PLCL2: variants seen among roughly 807,000 people sequenced by gnomAD.
The protein encoded by PLCL2 is phospholipase C like 2.
A neutral mutation model predicts 79.6 loss-of-function variants in PLCL2; 4 were observed. That is an observed-to-expected ratio of 0.05 (90% CI 0.02 to 0.11). The LOEUF is 0.11. Ranked by LOEUF, PLCL2 falls within the 10% of genes least tolerant of loss-of-function variation. The pLI is 1.00. For synonymous variants in PLCL2, 484 were observed against 457.7 expected (o/e 1.06, Z -0.73); for missense variants, 895 against 1,291.0 (o/e 0.69, Z 4.70).
intron 5 of PLCL2, among the ~76,000 whole-genome samples, chr3:17,076,154 G>T (rs1443103688): frequency 6.6e-6 from 1 of 152,102 alleles, no homozygotes; most frequent in Non-Finnish European, 1.5e-5. Flanking sequence ...AAGGGTTTTA[G>T]TTGCACCACA....
At chr3:17,054,759 A>G (rs564289278) in intron 4 of PLCL2, among the ~76,000 whole-genome samples, 1 of 152,184 alleles carries the variant, frequency 6.6e-6, no homozygotes, top group Non-Finnish European at 1.5e-5. Flanking sequence ...TGAGATTTGG[A>G]TGGAGACACA....
intron 3 of PLCL2, among the ~76,000 whole-genome samples, chr3:17,033,091 G>A (rs558183799): frequency 6.6e-6 from 1 of 152,238 alleles, no homozygotes; most frequent in Admixed American, 6.5e-5. Context: ...GACCGTATCA[G>A]GGTTTAGATA....
At chr3:17,064,443 A>G (rs1318257242) in intron 4 of PLCL2, among the ~76,000 whole-genome samples, 1 of 152,128 alleles carries the variant, frequency 6.6e-6, no homozygotes, top group Non-Finnish European at 1.5e-5. Context: ...CTTCTTCACC[A>G]CTTCCTTAGG....
intron 4 of PLCL2, among the ~76,000 whole-genome samples, chr3:17,067,116 C>T (rs2065018079): frequency 6.6e-6 from 1 of 151,980 alleles, no homozygotes; most frequent in Non-Finnish European, 1.5e-5. Context: ...AGTAGCATAA[C>T]CACAGAGAGA....
rs79728034 is a variant in PLCL2 at position 17,006,228 on chromosome 3, C to A, written c.328-3446C>A. 3.0e-3 allele frequency among the ~76,000 whole-genome samples: 454 copies of A among 152,304 alleles called. 4 individuals carry two copies. Among genetic ancestry groups the A allele is most frequent in the African/African-American group, 0.01 (434 of 41,566 alleles). ...AGCTTAGGCAAGTATTTGATCACTGCCAGGCTGAACAATGAAAGACAAGTT... is the reference window on the plus strand; with the variant it reads ...AGCTTAGGCAAGTATTTGATCACTGACAGGCTGAACAATGAAAGACAAGTT... On this transcript the variant is annotated intron_variant, in intron 1 of 5. Transcript: ENST00000615277.
chr3:16,971,546 C>T (rs1274246248), intron 1 of PLCL2, among the ~76,000 whole-genome samples: 1 of 152,004 alleles, frequency 6.6e-6, no homozygotes, highest in Non-Finnish European at 1.5e-5. Flanking sequence ...TTTTTTGGTT[C>T]CATATGAACT....
chr3:16,927,256 AT>A (rs1697278806), intron 1 of PLCL2, among the ~76,000 whole-genome samples: 1 of 152,146 alleles, frequency 6.6e-6, no homozygotes, highest in African/African-American at 2.4e-5. Context: ...TTTCTCTTTA[AT>A]TTTTTAATAG....
intron 1 of PLCL2, among the ~76,000 whole-genome samples, chr3:16,885,997 C>T (rs536428602): frequency 6.6e-6 from 1 of 152,320 alleles, no homozygotes; most frequent in Admixed American, 6.5e-5. Flanking sequence ...TAATCTTTTT[C>T]CTTGCTGCAG....
chr3:17,000,443 G>T (rs114757696), intron 1 of PLCL2, among the ~76,000 whole-genome samples: 3,189 of 152,072 alleles, frequency 0.021, 54 homozygotes, highest in South Asian at 0.043. Context: ...TAATTTCTTT[G>T]TGTTGAGAAT....
chr3:16,986,071 A>T (rs1477576640), intron 1 of PLCL2, among the ~76,000 whole-genome samples: 1 of 152,056 alleles, frequency 6.6e-6, no homozygotes, highest in Non-Finnish European at 1.5e-5. Flanking sequence ...ACCTTGTCCA[A>T]CCAATATGAA....
At chr3:16,889,871 C>T (rs1696306911) in intron 1 of PLCL2, among the ~76,000 whole-genome samples, 1 of 151,698 alleles carries the variant, frequency 6.6e-6, no homozygotes, top group African/African-American at 2.4e-5. Flanking sequence ...TGACTTTAGA[C>T]ATTTTTTTTT....
At chr3:17,067,343 A>T (rs2065020043) in intron 4 of PLCL2, among the ~76,000 whole-genome samples, 1 of 152,200 alleles carries the variant, frequency 6.6e-6, no homozygotes, top group East Asian at 1.9e-4. Flanking sequence ...CTGTAAACTA[A>T]ATTTGAATTA....
intron 5 of PLCL2, among the ~76,000 whole-genome samples, chr3:17,082,998 A>T (rs1322611885): frequency 6.6e-6 from 1 of 152,158 alleles, no homozygotes; most frequent in African/African-American, 2.4e-5. Flanking sequence ...ACAGATGGTT[A>T]TGGAGCCCTT....
intron 5 of PLCL2, 136 bp downstream of exon 5, chr3:17,068,201 G>A: frequency 1.7e-6 from 1 of 591,978 alleles, no homozygotes; most frequent in East Asian, 2.8e-5. Flanking sequence ...ATCACATGAA[G>A]AACTCTGCCC....
At chr3:17,047,977 G>A (rs1433176844) in intron 4 of PLCL2, among the ~76,000 whole-genome samples, 3 of 151,928 alleles carry the variant, frequency 2.0e-5, no homozygotes, top group African/African-American at 4.8e-5. Flanking sequence ...GTGACCAAGC[G>A]ATTTATCTTA....
chr3:16,979,756 A>G (rs1160788614), intron 1 of PLCL2, among the ~76,000 whole-genome samples: 2 of 147,798 alleles, frequency 1.4e-5, no homozygotes, highest in Admixed American at 6.7e-5. Flanking sequence ...CAGACACGGC[A>G]ACCATCCGAT....
At chr3:17,086,930 T>A (rs534086140) in intron 5 of PLCL2, among the ~76,000 whole-genome samples, 1 of 152,202 alleles carries the variant, frequency 6.6e-6, no homozygotes, top group South Asian at 2.1e-4. Context: ...TAGGAAATTA[T>A]ATATTAAAAC....
chr3:16,968,930 C>T (rs1011983690), intron 1 of PLCL2, among the ~76,000 whole-genome samples: 5 of 151,930 alleles, frequency 3.3e-5, no homozygotes, highest in Non-Finnish European at 7.4e-5. Context: ...CTTTCAAAGC[C>T]TAGTTTATGG....
At chr3:17,068,282 G>A (rs1005244006) in intron 5 of PLCL2, among the ~76,000 whole-genome samples, 1 of 152,170 alleles carries the variant, frequency 6.6e-6, no homozygotes, top group South Asian at 2.1e-4. Flanking sequence ...TCTATGATTG[G>A]CACATTGTAA....
Sources: gnomAD v4.1 joint callset for allele counts (sites outside exome capture counted in the v4.1 genomes callset) on GRCh38, gnomAD v4.1.1 for gene constraint, MANE v1.5 for transcripts, NCBI Gene and HGNC (gene_info 2026-07-23, HGNC 2026-07-21) for gene names.